TMEM72: variants seen among roughly 807,000 people sequenced by gnomAD.
TMEM72 encodes the protein transmembrane protein 72, also known as kidney-specific secretory protein of 37 kDa.
TMEM72 carries 9 observed loss-of-function variants against 16.3 expected under a neutral mutation model. The ratio of observed to expected loss-of-function variants is 0.55; its 90% CI spans 0.33 to 0.96. The LOEUF is 0.96. Ranked by LOEUF, TMEM72 falls within the 40% of genes least tolerant of loss-of-function variation. The pLI is 0.03. For synonymous variants in TMEM72, 160 were observed against 146.5 expected, an observed-to-expected ratio of 1.09 and a Z score of -0.66; for missense variants, 324 against 337.8, an observed-to-expected ratio of 0.96 and a Z score of 0.32.
At position 44,934,775 on chromosome 10, in the gene TMEM72, G is replaced by A. The variant is rs770041536; in HGVS notation, c.469G>A (p.Val157Met). 6 of 1,613,622 alleles carry A rather than the reference G, an allele frequency of 3.7e-6. No individual in the cohort carries two copies. The Admixed American group carries it at 6.7e-5, about 18-fold the overall frequency. Residue 157 changes from valine (V) to methionine (M), a missense_variant, in exon 5 of 5, where the codon GTG becomes ATG. Val to Met is a conservative substitution (Grantham distance 21). Transcript: ENST00000389583. The stretch of plus-strand genomic sequence containing the variant: ...GTACACAGACCCCTCTAGCAGCGCT[G>A]TGAGCACCACCGGCTCTGGGGACAC... ...EQYTDPSSSA[V>M]STTGSGDTEQ...
intron 1 of TMEM72, among the ~76,000 whole-genome samples, chr10:44,922,427 C>G (rs1174683800): frequency 1.3e-5 from 2 of 152,222 alleles, no homozygotes; most frequent in Non-Finnish European, 2.9e-5. Flanking sequence ...ACTCCAGGCC[C>G]TGTGTGAAAA....
Position 44,935,138 on chromosome 10 carries a change from C to T in TMEM72, c.*4C>T, listed in dbSNP as rs780237081. 3 of 1,566,974 alleles carry T rather than the reference C, an allele frequency of 1.9e-6. No homozygotes were observed. The highest frequency in any genetic ancestry group is 3.7e-5 in the Admixed American group (2 of 53,858). On this transcript the variant is annotated 3_prime_UTR_variant, in exon 5 of 5. Coordinates refer to ENST00000389583, the MANE Select transcript of TMEM72 (RefSeq NM_001123376.3). Reference sequence around the variant, plus strand: ...TACAGCCACCGGCCTGTTCTGAGCGCTTGCTCCAGCCTGGAGGACGCTCAG... The same window carrying T: ...TACAGCCACCGGCCTGTTCTGAGCGTTTGCTCCAGCCTGGAGGACGCTCAG...
At chr10:44,928,224 AC>A (rs1309963794) in intron 2 of TMEM72, among the ~76,000 whole-genome samples, 1 of 151,928 alleles carries the variant, frequency 6.6e-6, no homozygotes, top group East Asian at 1.9e-4. Flanking sequence ...CCAGCCAGCC[AC>A]CCATCTATCC....
chr10:44,935,714 G>C lies in TMEM72; in HGVS notation c.*580G>C, dbSNP rs7083830. The C allele has an allele frequency of 0.088, 13,444 of 152,614 alleles. 691 individuals carry two copies. The highest frequency in any genetic ancestry group is 0.15 in the Middle Eastern group (43 of 296). 9.5% of individuals were successfully genotyped at this position (152,614 alleles called of 1,614,324 possible). ...GGGCCACATTCTCTGCATGCTCTAG[G>C]GCTGGGGCTGAGCTGCTCAGGAAAA... On this transcript the variant is annotated 3_prime_UTR_variant, in exon 5 of 5. Transcript: ENST00000389583.
rs374225789 is a variant in TMEM72, at chr10:44,935,094, C to A, written c.788C>A (p.Pro263Gln). Reference sequence around the variant, plus strand: ...CCCATCATTCCCCCTCCCCAGGCCCCACTCTTCCTGTCATCTCTTACAGCC... The same window carrying A: ...CCCATCATTCCCCCTCCCCAGGCCCAACTCTTCCTGTCATCTCTTACAGCC... ...TTPIIPPPQAPLFLSSLTATG... is the reference protein window; with the variant it reads ...TTPIIPPPQAQLFLSSLTATG... The change falls in exon 5 of 5, where the codon CCA (proline) becomes CAA (glutamine). Residue 263 changes from proline (P) to glutamine (Q), a missense_variant. Transcript: ENST00000389583. 137 of 1,608,652 alleles carry A rather than the reference C, an allele frequency of 8.5e-5. No individual in the cohort carries two copies. Among genetic ancestry groups the A allele is most frequent in the Non-Finnish European group, 1.1e-4 (128 of 1,177,498 alleles).
chr10:44,926,367 T>C (rs1840193409), intron 1 of TMEM72, among the ~76,000 whole-genome samples: 1 of 152,142 alleles, frequency 6.6e-6, no homozygotes, highest in African/African-American at 2.4e-5. Flanking sequence ...TTGAGTGAAC[T>C]ACACAGGCCA....
Position 44,935,392 on chromosome 10 carries a change from T to C in TMEM72, c.*258T>C. The stretch of plus-strand genomic sequence containing the variant: ...CTGGCCACAGGTGGGGAAACCCTTA[T>C]GCTTCCCCAACAAGACCATCACTGC... On this transcript the variant is annotated 3_prime_UTR_variant, in exon 5 of 5. Coordinates refer to ENST00000389583, the MANE Select transcript of TMEM72 (RefSeq NM_001123376.3). 2.3e-6 allele frequency: 1 copy of C among 435,416 alleles called. No individual in the cohort carries two copies. 27.0% of individuals were successfully genotyped at this position (435,416 alleles called of 1,614,324 possible).
chr10:44,927,686 G>A (rs1020712519), intron 1 of TMEM72, among the ~76,000 whole-genome samples: 34 of 152,346 alleles, frequency 2.2e-4, no homozygotes, highest in Middle Eastern at 3.4e-3. Context: ...CTGCTCTGGG[G>A]AAGCTTAATC....
chr10:44,917,661 T>C (rs75541076), intron 1 of TMEM72, among the ~76,000 whole-genome samples: 2 of 152,078 alleles, frequency 1.3e-5, no homozygotes, highest in East Asian at 1.9e-4. Context: ...TTGTCTGACA[T>C]AAGTGGCTGA....
chr10:44,922,224 G>A (rs1217310158), intron 1 of TMEM72, among the ~76,000 whole-genome samples: 1 of 152,172 alleles, frequency 6.6e-6, no homozygotes, highest in Non-Finnish European at 1.5e-5. Context: ...AGGTTGAAGT[G>A]AGGCCTTTGA....
chr10:44,935,859 T>C lies in TMEM72; in HGVS notation c.*725T>C, dbSNP rs1840392922. ...TGGCCTTTCCAAGATTCCAGGTTGA[T>C]GATGCAAACTGAACGCAGTGAATGC... On this transcript the variant is annotated 3_prime_UTR_variant, in exon 5 of 5. Transcript: ENST00000389583. The C allele has an allele frequency of 6.6e-6, 1 of 152,414 alleles. No individual in the cohort carries two copies. The highest frequency in any genetic ancestry group is 1.9e-4 in the East Asian group (1 of 5,180). The allele number at this position is 152,414 out of a possible 1,614,324, so 9.4% of individuals were successfully genotyped here. A position where few individuals can be genotyped will look rare whatever the true frequency, so the allele number is the denominator to read the frequency against.
chr10:44,922,309 T>C (rs964741151), intron 1 of TMEM72, among the ~76,000 whole-genome samples: 1 of 152,168 alleles, frequency 6.6e-6, no homozygotes, highest in Non-Finnish European at 1.5e-5. Flanking sequence ...TTCTTACCTG[T>C]GACAATCCCA....
chr10:44,922,063 A>T (rs1840108149), intron 1 of TMEM72, among the ~76,000 whole-genome samples: 1 of 152,140 alleles, frequency 6.6e-6, no homozygotes, highest in Non-Finnish European at 1.5e-5. Flanking sequence ...CCTAATTTTG[A>T]GCCCTGGTGT....
intron 1 of TMEM72, among the ~76,000 whole-genome samples, 157 bp downstream of exon 1, chr10:44,911,739 C>T (rs915352552): frequency 6.6e-6 from 1 of 152,212 alleles, no homozygotes. Context: ...CTCTGTAGAG[C>T]AGCAGCAAGT....
At position 44,932,290 on chromosome 10, in the gene TMEM72, C is replaced by A. The variant is rs543097781; in HGVS notation, c.209+221C>A. Among the ~76,000 whole-genome samples, 21 of 152,340 alleles carry A rather than the reference C, an allele frequency of 1.4e-4. No individual in the cohort carries two copies. The South Asian group carries it at 4.3e-3, about 32-fold the overall frequency. ...GGTCCCAACCAAGAGAACCAACTGA[C>A]ACAGTCATTCAGGGCCTGTCCTTGC... On this transcript the variant is annotated intron_variant, in intron 3 of 4. Transcript: ENST00000389583.
At position 44,933,130 on chromosome 10, in the gene TMEM72, T is replaced by C. The variant is rs906194719; in HGVS notation, c.210-507T>C. 3.3e-5 allele frequency among the ~76,000 whole-genome samples: 5 copies of C among 152,226 alleles called. No individual in the cohort carries two copies. The East Asian group carries it at 7.7e-4, about 23-fold the overall frequency. On this transcript the variant is annotated intron_variant, in intron 3 of 4. Transcript: ENST00000389583. Reference sequence around the variant, plus strand: ...TTCTGCCAGGGCTATGTGTGGTCCCTGTGTATACAGTTAGAAAAGAAGCCC... The same window carrying C: ...TTCTGCCAGGGCTATGTGTGGTCCCCGTGTATACAGTTAGAAAAGAAGCCC...
chr10:44,929,387 C>T (rs1463395711), intron 2 of TMEM72, among the ~76,000 whole-genome samples: 1 of 152,216 alleles, frequency 6.6e-6, no homozygotes. Context: ...TGAGAAGCAA[C>T]AGATAACAAT....
At chr10:44,928,096 T>G in intron 2 of TMEM72, 109 bp downstream of exon 2, 4 of 1,260,882 alleles carry the variant, frequency 3.2e-6, no homozygotes, top group Non-Finnish European at 4.5e-6. Context: ...GTGAATTCCA[T>G]CCTATCTCAG....
chr10:44,914,585 G>A (rs917527073), intron 1 of TMEM72, among the ~76,000 whole-genome samples: 1 of 152,168 alleles, frequency 6.6e-6, no homozygotes, highest in Admixed American at 6.5e-5. Flanking sequence ...TGCGGATGCC[G>A]GAGCTCCTGC....
Sources: gnomAD v4.1 joint callset for allele counts (sites outside exome capture counted in the v4.1 genomes callset) on GRCh38, gnomAD v4.1.1 for gene constraint, MANE v1.5 for transcripts, NCBI Gene and HGNC (gene_info 2026-07-23, HGNC 2026-07-21) for gene names.